The following MYB variants were observed in gnomAD, a reference collection of about 807,000 sequenced individuals.
The protein encoded by MYB is MYB proto-oncogene, transcription factor.
A neutral mutation model predicts 92.9 loss-of-function variants in MYB; 28 were observed. The ratio of observed to expected loss-of-function variants is 0.30; its 90% CI spans 0.22 to 0.41. MYB has a LOEUF of 0.41. Ranked by LOEUF, MYB falls within the 10% of genes least tolerant of loss-of-function variation. The pLI, the probability that MYB is intolerant of heterozygous loss-of-function variation, is 1.00. For missense variants in MYB, 679 were observed against 929.3 expected, an observed-to-expected ratio of 0.73 and a Z score of 3.50; for synonymous variants, 295 against 329.1, an observed-to-expected ratio of 0.90 and a Z score of 1.12.
chr6:135,212,936 G>T (rs1779943894), intron 15 of MYB, among the ~76,000 whole-genome samples: 1 of 152,180 alleles, frequency 6.6e-6, no homozygotes, highest in Non-Finnish European at 1.5e-5. Context: ...AGGTAAGATG[G>T]GAGAAAGGGA....
chr6:135,191,650 G>A (rs1554250332), intron 5 of MYB, among the ~76,000 whole-genome samples: 1 of 152,076 alleles, frequency 6.6e-6, no homozygotes, highest in Non-Finnish European at 1.5e-5. Flanking sequence ...GACTTAAACG[G>A]TTTTTTTGAA....
intron 15 of MYB, among the ~76,000 whole-genome samples, chr6:135,207,573 A>T (rs1462463224): frequency 6.6e-6 from 1 of 152,224 alleles, no homozygotes; most frequent in African/African-American, 2.4e-5. Flanking sequence ...ATATAAATGC[A>T]CATGCAATAT....
At chr6:135,200,463 T>A (rs2128302379) in intron 13 of MYB, 48 bp downstream of exon 13, 1 of 1,611,658 alleles carries the variant, frequency 6.2e-7, no homozygotes, top group African/African-American at 1.3e-5. Flanking sequence ...TCCTGCCCCC[T>A]TTATTCCTTG....
intron 15 of MYB, among the ~76,000 whole-genome samples, chr6:135,212,226 T>TTTTTTTTTTA (rs1779830209): frequency 2.2e-5 from 1 of 45,256 alleles, no homozygotes; most frequent in Non-Finnish European, 4.0e-5. Context: ...TGGTTTTACT[T>TTTTTTTTTTA]TTTTTTTTTT....
rs1040466871 is a variant in MYB, at chr6:135,182,784, G to C, written c.23+1248G>C. 6.6e-6 allele frequency among the ~76,000 whole-genome samples: 1 copy of C among 152,032 alleles called. No homozygotes were observed. The highest frequency in any genetic ancestry group is 1.5e-5 in the Non-Finnish European group (1 of 67,990). On this transcript the variant is annotated intron_variant, in intron 1 of 15. Transcript: ENST00000341911. The surrounding 1 kb of genome is among the most constrained non-coding windows in gnomAD (Gnocchi z 5.6). ...GGTCCCCGCGCGGCGCTGGGAAGTT[G>C]CAAAGAGCGTGGGTGGAGACCCTGC...
intron 11 of MYB, 126 bp downstream of exon 11, chr6:135,199,176 A>C: frequency 1.3e-6 from 1 of 748,856 alleles, no homozygotes; most frequent in Non-Finnish European, 2.1e-6. Flanking sequence ...ATATATAATC[A>C]TGTCTATTCC....
rs984390854 is a variant in MYB at position 135,188,605 on chromosome 6, G to A, written c.213+700G>A. Among the ~76,000 whole-genome samples the A allele has an allele frequency of 2.6e-5, 4 of 151,644 alleles. 1 individual carries two copies. In the South Asian group the frequency reaches 8.4e-4, roughly 32 times the overall value. On this transcript the variant is annotated intron_variant, in intron 3 of 15. Transcript: ENST00000341911. ...GCTCACTGCAACCTCCGCCTCCCAG[G>A]TTCAAGCGATTCTCGTGCCTCAGCC...
intron 15 of MYB, among the ~76,000 whole-genome samples, chr6:135,217,622 T>C (rs932668970): frequency 6.6e-6 from 1 of 152,324 alleles, no homozygotes; most frequent in South Asian, 2.1e-4. Flanking sequence ...CATTAAAATA[T>C]GAAGATGGGA....
intron 3 of MYB, among the ~76,000 whole-genome samples, chr6:135,188,867 G>T (rs1332925223): frequency 6.6e-6 from 1 of 152,096 alleles, no homozygotes; most frequent in Non-Finnish European, 1.5e-5. Context: ...TTCCTAAAAT[G>T]CAGCTGTACC....
At chr6:135,213,268 G>A (rs1779995292) in intron 15 of MYB, among the ~76,000 whole-genome samples, 1 of 152,120 alleles carries the variant, frequency 6.6e-6, no homozygotes, top group Admixed American at 6.6e-5. Flanking sequence ...ATGCTTTCTG[G>A]AATTTGGATA....
At position 135,190,774 on chromosome 6, in the gene MYB, A is replaced by G. The variant is rs1776520743; in HGVS notation, c.527+427A>G. On this transcript the variant is annotated intron_variant, in intron 5 of 15. Coordinates refer to ENST00000341911, the MANE Select transcript of MYB (RefSeq NM_001130173.2). This position sits in a 1 kb window ranked among gnomAD's most constrained non-coding sequence, Gnocchi z 4.5. Reference sequence around the variant, plus strand: ...AGCTACCATTTTCCTGATAACCATCATTCATTTCTTTTATTTTTTTTAATT... The same window carrying G: ...AGCTACCATTTTCCTGATAACCATCGTTCATTTCTTTTATTTTTTTTAATT... 1.3e-5 allele frequency among the ~76,000 whole-genome samples: 2 copies of G among 152,156 alleles called. No individual in the cohort carries two copies. The highest frequency in any genetic ancestry group is 4.8e-5 in the African/African-American group (2 of 41,438).
At chr6:135,204,183 C>T (rs1350329014) in intron 15 of MYB, among the ~76,000 whole-genome samples, 1 of 152,170 alleles carries the variant, frequency 6.6e-6, no homozygotes, top group Non-Finnish European at 1.5e-5. Context: ...TTTGAGTCTG[C>T]CCATTACCTT....
At chr6:135,197,819 G>A (rs1777540621) in intron 10 of MYB, among the ~76,000 whole-genome samples, 1 of 152,078 alleles carries the variant, frequency 6.6e-6, no homozygotes, top group South Asian at 2.1e-4. Context: ...GAAGAGTTTG[G>A]GAAGAGGATG....
Position 135,197,246 on chromosome 6 carries a change from T to G in MYB, c.1489T>G (p.Ser497Ala), listed in dbSNP as rs758494608. Residue 497 changes from serine to alanine, a missense_variant, in exon 10 of 16, where the codon TCC (serine) becomes GCC (alanine). Physicochemically the swap from Ser to Ala is moderately conservative, Grantham distance 99 (BLOSUM62 1). Coordinates refer to ENST00000341911, the MANE Select transcript of MYB (RefSeq NM_001130173.2). ...CCCCTTAGCCACTGGAGACTGTAGC[T>G]CCTTCATATTTGCTGACGTCAGCAG... ...ASPLATGDCS[S>A]FIFADVSSST... 3 of 1,613,952 alleles carry G rather than the reference T, an allele frequency of 1.9e-6. No individual in the cohort carries two copies. In the East Asian group the frequency reaches 6.7e-5, roughly 36 times the overall value.
At chr6:135,202,978 A>T in intron 14 of MYB, 1 of 697,452 alleles carries the variant, frequency 1.4e-6, no homozygotes, top group South Asian at 1.5e-5. Context: ...ACATGCCTAG[A>T]ACTCTGGGAT....
chr6:135,189,134 A>C (rs141274479), intron 3 of MYB, among the ~76,000 whole-genome samples: 2 of 152,192 alleles, frequency 1.3e-5, no homozygotes, highest in Non-Finnish European at 2.9e-5. Context: ...CAAAGTCCTT[A>C]TGAAGAGCTC....
rs190426398 is a variant in MYB at position 135,213,076 on chromosome 6, C to T, written c.2170-4788C>T. Among the ~76,000 whole-genome samples the T allele has an allele frequency of 5.3e-5, 8 of 152,220 alleles. No individual in the cohort carries two copies. The East Asian group carries it at 1.5e-3, about 29-fold the overall frequency. ...TAAGATGTGCTTGTCTTGTGCTTTC[C>T]TGGTGCAGAAAAGGAGCTGCCTCGC... On this transcript the variant is annotated intron_variant, in intron 15 of 15. Transcript: ENST00000341911.
intron 15 of MYB, among the ~76,000 whole-genome samples, chr6:135,210,125 A>G (rs1779511927): frequency 6.6e-6 from 1 of 152,240 alleles, no homozygotes; most frequent in African/African-American, 2.4e-5. Flanking sequence ...TTGTTTTGAA[A>G]AAAGCACATT....
intron 15 of MYB, among the ~76,000 whole-genome samples, chr6:135,211,661 A>G (rs1031432649): frequency 6.6e-6 from 1 of 152,202 alleles, no homozygotes; most frequent in African/African-American, 2.4e-5. Context: ...TAGAAAGTCT[A>G]TCAACGTGAA....
Sources: allele counts gnomAD v4.1 joint callset (sites outside exome capture counted in the v4.1 genomes callset), GRCh38; gene constraint gnomAD v4.1.1; non-coding constraint Gnocchi (gnomAD v3.1); transcripts MANE v1.5; gene names NCBI Gene and HGNC (gene_info 2026-07-23, HGNC 2026-07-21).